FAM161B: variants seen among roughly 807,000 people sequenced by gnomAD.
FAM161B encodes protein FAM161B.
Under a neutral mutation model 61.5 loss-of-function variants are expected in FAM161B, and 46 were observed. That is an observed-to-expected ratio of 0.75 (90% CI 0.59 to 0.96). The LOEUF is 0.96. FAM161B is among the 40% of genes least tolerant of loss of function. The pLI is 0.00. For missense variants in FAM161B, 774 were observed against 800.7 expected, an observed-to-expected ratio of 0.97 and a Z score of 0.40; for synonymous variants, 284 against 302.7, an observed-to-expected ratio of 0.94 and a Z score of 0.64.
At position 73,942,812 on chromosome 14, in the gene FAM161B, A is replaced by G. The variant is rs1440875518; in HGVS notation, c.926-97T>C. Reference sequence around the variant, plus strand: ...CTTTTACACACTAGCTGTAAGTGTTACTGGAGGCAAGTAGGAACTTTTCAG... The same window carrying G: ...CTTTTACACACTAGCTGTAAGTGTTGCTGGAGGCAAGTAGGAACTTTTCAG... On this transcript the variant is annotated intron_variant, in intron 3 of 8. Coordinates refer to ENST00000286544, the MANE Select transcript of FAM161B (RefSeq NM_152445.3). 3.6e-6 allele frequency: 4 copies of G among 1,125,070 alleles called. No individual in the cohort carries two copies. The East Asian group carries it at 9.9e-5, about 28-fold the overall frequency. 69.7% of individuals were successfully genotyped at this position (1,125,070 alleles called of 1,614,324 possible).
rs1441671613 is a variant in FAM161B at position 73,941,096 on chromosome 14, A to G, written c.1273-43T>C. 3.2e-6 allele frequency: 3 copies of G among 924,028 alleles called. No individual in the cohort carries two copies. The African/African-American group carries it at 5.5e-5, about 17-fold the overall frequency. The allele number at this position is 924,028 out of a possible 1,614,324, so 57.2% of individuals were successfully genotyped here. A position where few individuals can be genotyped will look rare whatever the true frequency, so the allele number is the denominator to read the frequency against. On this transcript the variant is annotated intron_variant, in intron 4 of 8. Coordinates refer to ENST00000286544, the MANE Select transcript of FAM161B (RefSeq NM_152445.3). Reference sequence around the variant, plus strand: ...TGGTATTGGTGGGACAGCATGTGTGATTAGTTTCTATCTTTTTTTTTTTTT... The same window carrying G: ...TGGTATTGGTGGGACAGCATGTGTGGTTAGTTTCTATCTTTTTTTTTTTTT...
At position 73,944,658 on chromosome 14, in the gene FAM161B, C is replaced by G. The variant is rs762673487; in HGVS notation, c.602G>C (p.Arg201Pro). The change falls in exon 3 of 9, where the codon CGG becomes CCG. Residue 201 changes from arginine to proline, a missense_variant. By Grantham distance (103) the Arg-to-Pro change is moderately radical. Coordinates refer to ENST00000286544, the MANE Select transcript of FAM161B (RefSeq NM_152445.3). ...CTCTTCCTCACCCTGCCTCTGGGCC[C>G]GCTGCCTCTCCTGCTCAAAGGAGGC... The part of the protein sequence containing the change: ...SPASFEQERQ[R>P]AQRQGEEEAE... 3 of 1,613,746 alleles carry G rather than the reference C, an allele frequency of 1.9e-6. No individual in the cohort carries two copies. The highest frequency in any genetic ancestry group is 2.5e-6 in the Non-Finnish European group (3 of 1,179,818).
chr14:73,945,729 A>G (rs1275120406), intron 2 of FAM161B, among the ~76,000 whole-genome samples: 1 of 151,582 alleles, frequency 6.6e-6, no homozygotes, highest in Non-Finnish European at 1.5e-5. Flanking sequence ...TGCCCGGCCC[A>G]TTTTTAAATT....
chr14:73,949,939 C>A, intron 1 of FAM161B, 34 bp downstream of exon 1: 1 of 1,611,464 alleles, frequency 6.2e-7, no homozygotes, highest in East Asian at 2.2e-5. Context: ...CTCCGGGATT[C>A]CTTTCCCGGG....
chr14:73,924,574 G>A, the FAM161B span: 1 of 371,084 alleles, frequency 2.7e-6, no homozygotes, highest in Non-Finnish European at 5.2e-6. Context: ...ACTTCATCAC[G>A]AGCACATTTC....
chr14:73,947,151 C>T (rs1410370389), intron 1 of FAM161B, among the ~76,000 whole-genome samples: 4 of 151,944 alleles, frequency 2.6e-5, no homozygotes, highest in African/African-American at 7.2e-5. Context: ...TTTGGGAGGC[C>T]GAGGGAGGTG....
At chr14:73,938,750 C>T (rs11159049) in intron 5 of FAM161B, among the ~76,000 whole-genome samples, 62,649 of 151,722 alleles carry the variant, frequency 0.41, 13,837 homozygotes, top group South Asian at 0.5. Context: ...CCAGCCTGGG[C>T]GACAGTGAGA....
chr14:73,940,873 C>T, intron 5 of FAM161B, 53 bp downstream of exon 5: 1 of 1,553,912 alleles, frequency 6.4e-7, no homozygotes, highest in African/African-American at 1.4e-5. Context: ...GGGAGGTTTC[C>T]AGCATTTGGG....
At chr14:73,941,998 G>A (rs1338099757) in intron 4 of FAM161B, among the ~76,000 whole-genome samples, 1 of 152,114 alleles carries the variant, frequency 6.6e-6, no homozygotes, top group Non-Finnish European at 1.5e-5. Context: ...GAGCCACCAC[G>A]CCTGGCCTGT....
chr14:73,945,578 GC>G (rs1273832779), intron 2 of FAM161B, among the ~76,000 whole-genome samples: 2 of 151,882 alleles, frequency 1.3e-5, no homozygotes, highest in Non-Finnish European at 2.9e-5. Flanking sequence ...ACAGGCACCT[GC>G]CACCATGCCC....
At chr14:73,931,552 T>C, downstream of FAM161B, 3 of 1,610,626 alleles carry the variant, frequency 1.9e-6, no homozygotes, top group Non-Finnish European at 2.5e-6. Context: ...GCGTGGGTGC[T>C]GACTCCTGGA....
intron 3 of FAM161B, among the ~76,000 whole-genome samples, chr14:73,943,377 A>G (rs1001818695): frequency 2.6e-5 from 4 of 152,102 alleles, no homozygotes; most frequent in Non-Finnish European, 4.4e-5. Context: ...CTTCTGAACT[A>G]TATTTCTGAT....
chr14:73,923,233 T>C, the FAM161B span, among the ~76,000 whole-genome samples: 2 of 152,186 alleles, frequency 1.3e-5, no homozygotes, highest in African/African-American at 4.8e-5. Flanking sequence ...ACTTTCCAAA[T>C]TCACTGATAA....
chr14:73,944,592 G>A lies in FAM161B; in HGVS notation c.668C>T (p.Ala223Val), dbSNP rs765128630. Residue 223 changes from alanine to valine, a missense_variant, in exon 3 of 9, where the codon GCA (alanine) becomes GTA (valine). Physicochemically the swap from Ala to Val is moderately conservative, Grantham distance 64 (BLOSUM62 0). Transcript: ENST00000286544. ...HRQFRAQPVP[A>V]HVYLPLYQEI... ...TTGGTAGAGGGGCAGGTAGACATGT[G>A]CAGGCACAGGCTGTGCCCGGAACTG... 1.2e-6 allele frequency: 2 copies of A among 1,614,134 alleles called. No individual in the cohort carries two copies. Among genetic ancestry groups the A allele is most frequent in the Non-Finnish European group, 1.7e-6 (2 of 1,180,034 alleles).
At chr14:73,937,454 A>AT in intron 7 of FAM161B, 148 bp downstream of exon 7, 1 of 674,314 alleles carries the variant, frequency 1.5e-6, no homozygotes, top group South Asian at 1.9e-5. Context: ...CTATTGTACT[A>AT]TTTATTTTGG....
At chr14:73,938,880 A>G (rs902784126) in intron 5 of FAM161B, among the ~76,000 whole-genome samples, 1 of 152,244 alleles carries the variant, frequency 6.6e-6, no homozygotes, top group Non-Finnish European at 1.5e-5. Flanking sequence ...CTCAACTGCC[A>G]TTTTTAAAAA....
intron 7 of FAM161B, among the ~76,000 whole-genome samples, chr14:73,936,395 C>T (rs950285796): frequency 6.6e-6 from 1 of 152,096 alleles, no homozygotes; most frequent in African/African-American, 2.4e-5. Context: ...AAAGCAATGA[C>T]TTAGACTTTT....
Position 73,942,384 on chromosome 14 carries a change from G to A in FAM161B, c.1257C>T (p.Thr419=). 6.2e-7 allele frequency: 1 copy of A among 1,613,912 alleles called. No homozygotes were observed. The change falls in exon 4 of 9, where the codon ACC becomes ACT. Residue 419 remains threonine (T), a synonymous_variant. Coordinates refer to ENST00000286544, the MANE Select transcript of FAM161B (RefSeq NM_152445.3). ...GGGCTCTCACCTGCCTCCTTCCGGT[G>A]GTGGCAGCATCACAGGGCCGCTGAG... is the stretch of plus-strand genomic sequence containing the variant. ...RHPQRPCDAA[T]TGRRQDSPQP... is the part of the protein sequence containing the mutation.
downstream of FAM161B, among the ~76,000 whole-genome samples, chr14:73,930,722 C>T (rs530225119): frequency 7.2e-5 from 11 of 152,262 alleles, no homozygotes; most frequent in South Asian, 2.3e-3. Context: ...CCTCCCTCAG[C>T]CTCCCAAGTA....
Sources: allele counts gnomAD v4.1 joint callset (sites outside exome capture counted in the v4.1 genomes callset), GRCh38; gene constraint gnomAD v4.1.1; transcripts MANE v1.5; gene names NCBI Gene and HGNC (gene_info 2026-07-23, HGNC 2026-07-21).